Variants in EXOC4 observed in about 807,000 individuals in gnomAD.
EXOC4 encodes the protein exocyst complex component 4, also known as SEC8-like 1.
In EXOC4, 71 loss-of-function variants were observed where a neutral mutation model predicts 107.2. The ratio of observed to expected loss-of-function variants is 0.66; its 90% confidence interval spans 0.55 to 0.81. The LOEUF (loss-of-function observed/expected upper bound fraction) is 0.81, where lower values mean the gene tolerates loss of function less well. EXOC4 is among the 30% of genes least tolerant of loss of function. The pLI, the probability that EXOC4 is intolerant of heterozygous loss-of-function variation, is 0.00. For missense variants in EXOC4, 1,108 were observed against 1,189.6 expected (o/e 0.93, Z 1.01); for synonymous variants, 456 against 441.2 (o/e 1.03, Z -0.42).
intron 14 of EXOC4, among the ~76,000 whole-genome samples, chr7:133,994,503 A>G (rs2116264715): frequency 6.6e-6 from 1 of 152,270 alleles, no homozygotes; most frequent in South Asian, 2.1e-4. Context: ...TGTATCCCAG[A>G]ACTTAAAGTA....
At chr7:133,329,297 G>A (rs560276519) in intron 5 of EXOC4, among the ~76,000 whole-genome samples, 70 of 152,094 alleles carry the variant, frequency 4.6e-4, no homozygotes, top group Non-Finnish European at 4.0e-4. Flanking sequence ...CTCTATACTG[G>A]TTCTTCTAGT....
At chr7:133,400,712 G>A (rs1797070574) in intron 7 of EXOC4, among the ~76,000 whole-genome samples, 2 of 152,148 alleles carry the variant, frequency 1.3e-5, no homozygotes, top group South Asian at 4.1e-4. Flanking sequence ...AACTATGTAA[G>A]GTTTGTTTTG....
chr7:133,799,800 C>A (rs187169519), intron 10 of EXOC4, among the ~76,000 whole-genome samples: 335 of 152,204 alleles, frequency 2.2e-3, no homozygotes, highest in Non-Finnish European at 3.8e-3. Flanking sequence ...AAAGACCAGA[C>A]CAGAGACAGT....
chr7:133,402,881 ATTTTTT>A (rs956173651), intron 7 of EXOC4, among the ~76,000 whole-genome samples: 1 of 114,932 alleles, frequency 8.7e-6, no homozygotes. Flanking sequence ...AGAGCCTAAT[ATTTTTT>A]TTTTTTTTTT....
chr7:134,089,033 G>T, the EXOC4 span, among the ~76,000 whole-genome samples: 1 of 152,010 alleles, frequency 6.6e-6, no homozygotes, highest in Non-Finnish European at 1.5e-5. Context: ...CATAAATCTT[G>T]TATAACCCTT....
chr7:133,588,856 G>A (rs370977670), intron 9 of EXOC4, among the ~76,000 whole-genome samples: 1 of 152,078 alleles, frequency 6.6e-6, no homozygotes. Context: ...CAGACTGGGC[G>A]ACAAGAGTGA....
intron 11 of EXOC4, among the ~76,000 whole-genome samples, chr7:133,881,916 A>G (rs902259397): frequency 6.6e-6 from 1 of 152,170 alleles, no homozygotes; most frequent in African/African-American, 2.4e-5. Flanking sequence ...ATTTGTAACA[A>G]TGGTTGGAAA....
intron 12 of EXOC4, among the ~76,000 whole-genome samples, chr7:133,901,613 T>C (rs1209447119): frequency 6.6e-6 from 1 of 152,204 alleles, no homozygotes; most frequent in Non-Finnish European, 1.5e-5. Context: ...AAATTGTCAA[T>C]CTTTTATAAC....
chr7:133,621,261 CT>C (rs1300200511), intron 9 of EXOC4, among the ~76,000 whole-genome samples: 1 of 152,014 alleles, frequency 6.6e-6, no homozygotes, highest in African/African-American at 2.4e-5. Flanking sequence ...GAGAAAGGTA[CT>C]TTTTTTCTCT....
intron 1 of EXOC4, among the ~76,000 whole-genome samples, chr7:133,255,882 T>G (rs947464323): frequency 6.6e-6 from 1 of 152,166 alleles, no homozygotes; most frequent in African/African-American, 2.4e-5. Flanking sequence ...TGTTTCTTGT[T>G]AGTAAATTGT....
the EXOC4 span, among the ~76,000 whole-genome samples, chr7:134,072,784 G>A: frequency 1.3e-5 from 2 of 152,152 alleles, no homozygotes; most frequent in Admixed American, 1.3e-4. Flanking sequence ...CATGTCATTA[G>A]TATTATATAT....
intron 12 of EXOC4, among the ~76,000 whole-genome samples, chr7:133,898,977 C>CAAAAAAT (rs1221442678): frequency 6.7e-6 from 1 of 150,350 alleles, no homozygotes; most frequent in Non-Finnish European, 1.5e-5. Context: ...GACTCCATCT[C>CAAAAAAT]AAAAAATAAA....
intron 1 of EXOC4, among the ~76,000 whole-genome samples, chr7:133,272,589 TAAA>T (rs541329904): frequency 2.8e-5 from 4 of 143,896 alleles, no homozygotes; most frequent in African/African-American, 1.0e-4. Context: ...TTTCTCTAAT[TAAA>T]AAAAAAAAGC....
chr7:133,954,516 A>G (rs921343419), intron 14 of EXOC4, among the ~76,000 whole-genome samples: 1 of 152,244 alleles, frequency 6.6e-6, no homozygotes, highest in African/African-American at 2.4e-5. Flanking sequence ...TATATAAATA[A>G]CTAAATGTAC....
chr7:133,611,726 C>A (rs1358127199), intron 9 of EXOC4, among the ~76,000 whole-genome samples: 10 of 152,106 alleles, frequency 6.6e-5, no homozygotes, highest in Non-Finnish European at 1.5e-4. Flanking sequence ...CTCTGTGTGT[C>A]ATTTCCATGA....
chr7:133,794,286 G>C (rs1796768313), intron 10 of EXOC4, among the ~76,000 whole-genome samples: 1 of 152,006 alleles, frequency 6.6e-6, no homozygotes, highest in Non-Finnish European at 1.5e-5. Context: ...CAGTAATTTA[G>C]GTGATATTTT....
At chr7:134,066,976 C>T (rs1796185521), downstream of EXOC4, among the ~76,000 whole-genome samples, 1 of 151,910 alleles carries the variant, frequency 6.6e-6, no homozygotes, top group Non-Finnish European at 1.5e-5. Flanking sequence ...CATAGTGAAA[C>T]CCCATCTCTA....
intron 13 of EXOC4, among the ~76,000 whole-genome samples, chr7:133,923,182 G>A (rs376507537): frequency 1.4e-5 from 2 of 145,944 alleles, no homozygotes; most frequent in African/African-American, 5.1e-5. Flanking sequence ...AGGCTGTAGC[G>A]TAGTGGTGCA....
At chr7:133,738,388 A>G (rs1323365237) in intron 10 of EXOC4, among the ~76,000 whole-genome samples, 1 of 152,204 alleles carries the variant, frequency 6.6e-6, no homozygotes, top group Non-Finnish European at 1.5e-5. Flanking sequence ...TGTGGTTAGC[A>G]TTTCTTGGAA....
Sources: allele counts gnomAD v4.1 joint callset (sites outside exome capture counted in the v4.1 genomes callset), GRCh38; gene constraint gnomAD v4.1.1; transcripts MANE v1.5; gene names NCBI Gene and HGNC (gene_info 2026-07-23, HGNC 2026-07-21).